CREB3L2: variants seen among roughly 807,000 people sequenced by gnomAD.
CREB3L2 encodes the protein cAMP responsive element binding protein 3 like 2.
In CREB3L2, 23 loss-of-function variants were observed where a neutral mutation model predicts 57.2. The observed-to-expected ratio is 0.40, with a 90% CI of 0.29 to 0.57. CREB3L2 has a LOEUF of 0.57. CREB3L2 is among the 20% of genes least tolerant of loss of function. CREB3L2 has a pLI of 0.42. For missense variants in CREB3L2, 628 were observed against 634.7 expected (o/e 0.99, Z 0.11); for synonymous variants, 268 against 265.1 (o/e 1.01, Z -0.11).
intron 1 of CREB3L2, among the ~76,000 whole-genome samples, chr7:137,973,006 A>G (rs1202630513): frequency 3.3e-5 from 5 of 151,470 alleles, no homozygotes; most frequent in African/African-American, 7.3e-5. Flanking sequence ...CAGGGCCTCT[A>G]TGAAAATATT....
At chr7:137,984,278 A>G (rs921802550) in intron 1 of CREB3L2, among the ~76,000 whole-genome samples, 4 of 152,198 alleles carry the variant, frequency 2.6e-5, no homozygotes, top group Admixed American at 1.3e-4. Flanking sequence ...GTATTAAGCT[A>G]ACACACTCAC....
At chr7:137,976,951 C>T (rs544666309) in intron 1 of CREB3L2, among the ~76,000 whole-genome samples, 2 of 152,308 alleles carry the variant, frequency 1.3e-5, no homozygotes, top group African/African-American at 4.8e-5. Context: ...CACACCCACA[C>T]ACAACATCAA....
intron 1 of CREB3L2, among the ~76,000 whole-genome samples, chr7:137,994,989 T>A (rs1801962719): frequency 6.6e-6 from 1 of 152,220 alleles, no homozygotes; most frequent in African/African-American, 2.4e-5. Context: ...TGAGTCTCCA[T>A]CCCCATATGA....
intron 1 of CREB3L2, chr7:137,957,908 G>A (rs1801247050): frequency 1.1e-5 from 6 of 536,944 alleles, no homozygotes; most frequent in South Asian, 8.4e-5. Context: ...TGGTCCCAAG[G>A]GAATAATGGC....
In CREB3L2 at chr7:138,001,515, C is replaced by T. The variant is rs926376396; in HGVS notation, c.102+89G>A. ...GACCATGCCCTGCCCCAAACCCTGC[C>T]TTCCCGGGTCCCAGGACTCCAGCTG... On this transcript the variant is annotated intron_variant, in intron 1 of 11. Coordinates refer to ENST00000330387, the MANE Select transcript of CREB3L2 (RefSeq NM_194071.4). This position sits in a 1 kb window ranked among gnomAD's most constrained non-coding sequence, Gnocchi z 4.2. 1.0e-6 allele frequency: 1 copy of T among 977,406 alleles called. No individual in the cohort carries two copies. Among genetic ancestry groups the T allele is most frequent in the Non-Finnish European group, 1.5e-6 (1 of 646,778 alleles). 60.5% of individuals were successfully genotyped at this position (977,406 alleles called of 1,614,324 possible).
intron 1 of CREB3L2, among the ~76,000 whole-genome samples, chr7:137,958,747 G>C (rs896230707): frequency 1.3e-5 from 2 of 152,190 alleles, no homozygotes; most frequent in Non-Finnish European, 2.9e-5. Flanking sequence ...TCTTGATCCA[G>C]GGCCACCTGA....
chr7:137,898,978 A>AGGAG (rs1799682867), intron 8 of CREB3L2, among the ~76,000 whole-genome samples: 1 of 149,892 alleles, frequency 6.7e-6, no homozygotes. Context: ...GAAGGAAGGA[A>AGGAG]GGAAGGAAGG....
At chr7:137,933,317 C>A (rs1343422855) in intron 1 of CREB3L2, among the ~76,000 whole-genome samples, 1 of 152,320 alleles carries the variant, frequency 6.6e-6, no homozygotes, top group South Asian at 2.1e-4. Flanking sequence ...GCTGTGCTGG[C>A]CACTAAAGCT....
chr7:137,952,402 G>A (rs1031143261), intron 1 of CREB3L2, among the ~76,000 whole-genome samples: 31 of 152,046 alleles, frequency 2.0e-4, no homozygotes, highest in East Asian at 3.9e-4. Flanking sequence ...GGATATCCCC[G>A]CCCAGCCCTC....
chr7:137,939,137 A>G (rs569064691), intron 1 of CREB3L2, among the ~76,000 whole-genome samples: 1 of 152,238 alleles, frequency 6.6e-6, no homozygotes, highest in Non-Finnish European at 1.5e-5. Context: ...TCCAACAAGT[A>G]CCAACAGGAA....
chr7:137,911,972 C>G (rs1305824802), intron 4 of CREB3L2, among the ~76,000 whole-genome samples: 1 of 152,170 alleles, frequency 6.6e-6, no homozygotes, highest in Non-Finnish European at 1.5e-5. Context: ...TTCATTAGAC[C>G]TCATGAGGCT....
chr7:137,912,937 T>A (rs767433838), intron 4 of CREB3L2, 54 bp downstream of exon 4: 1 of 1,605,312 alleles, frequency 6.2e-7, no homozygotes, highest in South Asian at 1.1e-5. Context: ...TCCCTCTCTG[T>A]AGACCCAGAG....
intron 2 of CREB3L2, among the ~76,000 whole-genome samples, chr7:137,926,859 A>G (rs1800474275): frequency 6.6e-6 from 1 of 152,202 alleles, no homozygotes; most frequent in South Asian, 2.1e-4. Context: ...ATAGAAAATT[A>G]AATTTAAACC....
intron 3 of CREB3L2, among the ~76,000 whole-genome samples, chr7:137,913,643 T>C (rs1800064226): frequency 6.6e-6 from 1 of 152,144 alleles, no homozygotes; most frequent in Admixed American, 6.5e-5. Flanking sequence ...AAAGGCATTT[T>C]ATTACAAAAT....
At chr7:137,923,024 A>G (rs754383746) in intron 2 of CREB3L2, among the ~76,000 whole-genome samples, 14 of 152,176 alleles carry the variant, frequency 9.2e-5, no homozygotes, top group Non-Finnish European at 1.9e-4. Context: ...TTACAGGCCT[A>G]TCTCCCCCTG....
intron 2 of CREB3L2, chr7:137,922,782 A>C (rs1800365339): frequency 3.9e-6 from 1 of 253,404 alleles, no homozygotes; most frequent in Non-Finnish European, 8.6e-6. Flanking sequence ...AGTGAAAAGA[A>C]AATTTTATAA....
chr7:137,962,088 T>C (rs1037963077), intron 1 of CREB3L2, among the ~76,000 whole-genome samples: 2 of 152,158 alleles, frequency 1.3e-5, no homozygotes, highest in African/African-American at 4.8e-5. Flanking sequence ...CAGGAAACAC[T>C]TGTAGAACAA....
chr7:137,904,305 C>T (rs866442036), intron 6 of CREB3L2, among the ~76,000 whole-genome samples: 1 of 151,748 alleles, frequency 6.6e-6, no homozygotes, highest in African/African-American at 2.4e-5. Flanking sequence ...CTGAGGTGGG[C>T]GGATCACTTG....
intron 1 of CREB3L2, among the ~76,000 whole-genome samples, chr7:137,987,882 G>A (rs1414346266): frequency 6.6e-6 from 1 of 152,150 alleles, no homozygotes; most frequent in Non-Finnish European, 1.5e-5. Context: ...AACACGGGTG[G>A]TTCAAACTCA....
Sources: allele counts gnomAD v4.1 joint callset (sites outside exome capture counted in the v4.1 genomes callset), GRCh38; gene constraint gnomAD v4.1.1; non-coding constraint Gnocchi (gnomAD v3.1); transcripts MANE v1.5; gene names NCBI Gene and HGNC (gene_info 2026-07-23, HGNC 2026-07-21).